DOCK3: variants seen among roughly 807,000 people sequenced by gnomAD.
DOCK3 encodes the protein dedicator of cytokinesis protein 3.
A neutral mutation model predicts 265.6 loss-of-function variants in DOCK3; 60 were observed. That is an observed-to-expected ratio of 0.23 (90% CI 0.18 to 0.28). The LOEUF is 0.28. Among genes scored for constraint, DOCK3 ranks in the 10% least tolerant of loss-of-function variants. DOCK3 has a pLI of 1.00. For missense variants in DOCK3, 1,981 were observed against 2,594.3 expected (o/e 0.76, Z 5.14); for synonymous variants, 881 against 938.0 (o/e 0.94, Z 1.11).
At chr3:51,288,892 G>A (rs1202281457) in intron 27 of DOCK3, among the ~76,000 whole-genome samples, 1 of 149,542 alleles carries the variant, frequency 6.7e-6, no homozygotes, top group Non-Finnish European at 1.5e-5. Context: ...GTGGGTGTGT[G>A]TGTGTGTGTG....
chr3:50,819,919 A>G (rs1408983457), intron 2 of DOCK3, among the ~76,000 whole-genome samples: 1 of 152,184 alleles, frequency 6.6e-6, no homozygotes, highest in Non-Finnish European at 1.5e-5. Context: ...CCGAGATCGC[A>G]TCACTGCACT....
intron 5 of DOCK3, among the ~76,000 whole-genome samples, chr3:51,054,269 T>A (rs1391253790): frequency 5.9e-5 from 9 of 152,062 alleles, no homozygotes; most frequent in African/African-American, 7.2e-5. Flanking sequence ...AGATGAAAAA[T>A]TTTTAAAGCA....
At chr3:50,996,274 G>A (rs2078280659) in intron 5 of DOCK3, among the ~76,000 whole-genome samples, 1 of 151,402 alleles carries the variant, frequency 6.6e-6, no homozygotes, top group African/African-American at 2.4e-5. Context: ...CTGGAGTGCA[G>A]TGGCGCTATC....
chr3:51,293,520 A>C (rs1168058770), intron 27 of DOCK3, among the ~76,000 whole-genome samples: 1 of 152,226 alleles, frequency 6.6e-6, no homozygotes, highest in African/African-American at 2.4e-5. Context: ...CTACTAGAAG[A>C]AAACATAGGG....
chr3:50,837,055 A>T (rs1364948861), intron 2 of DOCK3, among the ~76,000 whole-genome samples: 3 of 152,178 alleles, frequency 2.0e-5, no homozygotes, highest in Non-Finnish European at 4.4e-5. Flanking sequence ...AAATCATTTA[A>T]CAAGTCTCTA....
At position 50,960,808 on chromosome 3, in the gene DOCK3, G is replaced by T. The variant is rs375705031; in HGVS notation, c.315+26731G>T. Among the ~76,000 whole-genome samples the T allele has an allele frequency of 2.6e-5, 4 of 151,882 alleles. No homozygotes were observed. The East Asian group carries it at 7.7e-4, about 29-fold the overall frequency. On this transcript the variant is annotated intron_variant, in intron 5 of 52. Coordinates refer to ENST00000266037, the MANE Select transcript of DOCK3 (RefSeq NM_004947.5). ...TTCTTCTAAGACTTTTATAATAATA[G>T]CTTTTATATTTAGACCTATAATCCA...
intron 32 of DOCK3, among the ~76,000 whole-genome samples, chr3:51,320,875 G>A (rs1187728742): frequency 6.6e-6 from 1 of 152,228 alleles, no homozygotes; most frequent in Non-Finnish European, 1.5e-5. Flanking sequence ...GAGCACCTGG[G>A]GGAAGGGGCA....
At chr3:50,746,024 G>T (rs1424869162) in intron 1 of DOCK3, among the ~76,000 whole-genome samples, 1 of 151,810 alleles carries the variant, frequency 6.6e-6, no homozygotes, top group Non-Finnish European at 1.5e-5. Flanking sequence ...ACTTTGCAAA[G>T]ATTTTCTTTC....
At chr3:50,684,468 A>C (rs1212255564) in intron 1 of DOCK3, among the ~76,000 whole-genome samples, 3 of 152,244 alleles carry the variant, frequency 2.0e-5, no homozygotes, top group East Asian at 1.9e-4. Flanking sequence ...TCATGAGTGT[A>C]CTTTTTTTCC....
chr3:50,891,991 G>T (rs1382775656), intron 4 of DOCK3, among the ~76,000 whole-genome samples: 1 of 152,070 alleles, frequency 6.6e-6, no homozygotes, highest in Non-Finnish European at 1.5e-5. Flanking sequence ...ATATTTGCTG[G>T]AAGTGGGATA....
intron 6 of DOCK3, among the ~76,000 whole-genome samples, chr3:51,064,881 A>G (rs1335542921): frequency 6.6e-6 from 1 of 152,204 alleles, no homozygotes; most frequent in African/African-American, 2.4e-5. Context: ...CTTTGACCTC[A>G]GATTTCTTGA....
chr3:51,359,024 C>T lies in DOCK3; in HGVS notation c.4884+947C>T, dbSNP rs1195931925. On this transcript the variant is annotated intron_variant, in intron 46 of 52. Transcript: ENST00000266037. This position sits in a 1 kb window ranked among gnomAD's most constrained non-coding sequence, Gnocchi z 4.8. Reference sequence around the variant, plus strand: ...CTACCTGGCACCCAAGCCAAGTTCTCTTCTCATCACCCAGGACCACTGGAC... The same window carrying T: ...CTACCTGGCACCCAAGCCAAGTTCTTTTCTCATCACCCAGGACCACTGGAC... Among the ~76,000 whole-genome samples, 1 of 152,260 alleles carries T rather than the reference C, an allele frequency of 6.6e-6. No homozygotes were observed. The highest frequency in any genetic ancestry group is 6.5e-5 in the Admixed American group (1 of 15,288).
intron 4 of DOCK3, among the ~76,000 whole-genome samples, chr3:50,900,272 A>G (rs1379654073): frequency 6.6e-6 from 1 of 152,110 alleles, no homozygotes; most frequent in East Asian, 1.9e-4. Context: ...CGGTTCGGCT[A>G]TTGATACTTG....
intron 4 of DOCK3, among the ~76,000 whole-genome samples, chr3:50,917,811 C>A (rs1220140896): frequency 6.6e-6 from 1 of 151,928 alleles, no homozygotes; most frequent in Admixed American, 6.6e-5. Flanking sequence ...GCATAACGTG[C>A]AGCTTTGTTA....
At chr3:50,727,957 A>G (rs1203698035) in intron 1 of DOCK3, among the ~76,000 whole-genome samples, 2 of 152,222 alleles carry the variant, frequency 1.3e-5, no homozygotes, top group East Asian at 3.8e-4. Flanking sequence ...CTATCAACCA[A>G]AACTTGACAA....
chr3:51,195,805 G>T (rs1016971336), intron 12 of DOCK3, among the ~76,000 whole-genome samples: 1 of 151,556 alleles, frequency 6.6e-6, no homozygotes, highest in Non-Finnish European at 1.5e-5. Context: ...GGCCAGTCCA[G>T]GGGCAATGAA....
chr3:51,080,216 C>T (rs1392217083), intron 7 of DOCK3, among the ~76,000 whole-genome samples: 1 of 152,122 alleles, frequency 6.6e-6, no homozygotes, highest in Non-Finnish European at 1.5e-5. Context: ...AGTTTCTTTC[C>T]ATATTGCTAG....
chr3:50,788,872 C>A (rs779595891), intron 2 of DOCK3, among the ~76,000 whole-genome samples: 4 of 152,234 alleles, frequency 2.6e-5, no homozygotes, highest in Non-Finnish European at 4.4e-5. Flanking sequence ...GTGCCCGCCC[C>A]GTCCCCTTCC....
intron 5 of DOCK3, among the ~76,000 whole-genome samples, chr3:51,055,655 C>G (rs981123292): frequency 3.3e-5 from 5 of 152,186 alleles, no homozygotes; most frequent in Non-Finnish European, 7.3e-5. Flanking sequence ...TTAGGTAAGT[C>G]TGCCTTGTTC....
Sources: gnomAD v4.1 joint callset for allele counts (sites outside exome capture counted in the v4.1 genomes callset) on GRCh38, gnomAD v4.1.1 for gene constraint, Gnocchi (gnomAD v3.1) non-coding constraint, MANE v1.5 for transcripts, NCBI Gene and HGNC (gene_info 2026-07-23, HGNC 2026-07-21) for gene names.